The following HEATR5B variants were observed in gnomAD, a reference collection of about 807,000 sequenced individuals.
The protein encoded by HEATR5B is HEAT repeat containing 5B.
HEATR5B carries 156 observed loss-of-function variants against 224.1 expected under a neutral mutation model. That is an observed-to-expected ratio of 0.70 (90% confidence interval 0.61 to 0.80). The LOEUF (loss-of-function observed/expected upper bound fraction) is 0.80. Among genes scored for constraint, HEATR5B ranks in the 30% least tolerant of loss-of-function variants. The pLI, the probability that HEATR5B is intolerant of heterozygous loss-of-function variation, is 0.00. For missense variants in HEATR5B, 2,323 were observed against 2,535.5 expected (o/e 0.92, Z 1.80); for synonymous variants, 1,027 against 893.0 (o/e 1.15, Z -2.68).
chr2:37,020,380 A>G (rs1668393046), intron 25 of HEATR5B, among the ~76,000 whole-genome samples: 1 of 152,218 alleles, frequency 6.6e-6, no homozygotes, highest in African/African-American at 2.4e-5. Context: ...AGAGCTAAAT[A>G]TCTAAACACA....
intron 26 of HEATR5B, among the ~76,000 whole-genome samples, chr2:37,019,076 T>C (rs1374832756): frequency 1.3e-5 from 2 of 151,736 alleles, no homozygotes; most frequent in East Asian, 1.9e-4. Flanking sequence ...AAGAATTGCT[T>C]GAACCCGGGA....
intron 24 of HEATR5B, among the ~76,000 whole-genome samples, chr2:37,025,515 G>C (rs868791307): frequency 3.3e-5 from 5 of 150,506 alleles, no homozygotes; most frequent in Non-Finnish European, 7.4e-5. Flanking sequence ...AATCCTGGCT[G>C]CTATGGTATA....
At chr2:37,003,880 A>G (rs1255482242) in intron 30 of HEATR5B, among the ~76,000 whole-genome samples, 194 bp from the exon 31 acceptor site, 2 of 152,260 alleles carry the variant, frequency 1.3e-5, no homozygotes, top group African/African-American at 2.4e-5. Context: ...TGTATTTTCA[A>G]GCAACAAATG....
At chr2:37,031,121 G>A (rs1181731014) in intron 22 of HEATR5B, among the ~76,000 whole-genome samples, 1 of 152,190 alleles carries the variant, frequency 6.6e-6, no homozygotes, top group African/African-American at 2.4e-5. Context: ...TTGCTGGGTT[G>A]CGATCTCTAT....
chr2:37,003,370 A>G (rs571455723), intron 31 of HEATR5B, among the ~76,000 whole-genome samples, 172 bp downstream of exon 31: 2 of 152,016 alleles, frequency 1.3e-5, no homozygotes, highest in South Asian at 4.1e-4. Context: ...CAGGAGTTAC[A>G]GACTACACTG....
chr2:37,062,565 G>C (rs1671351525), intron 10 of HEATR5B, among the ~76,000 whole-genome samples: 1 of 152,216 alleles, frequency 6.6e-6, no homozygotes, highest in Non-Finnish European at 1.5e-5. Context: ...ACAAGCTCTA[G>C]GGCCAAATGC....
chr2:37,028,861 C>A lies in HEATR5B; in HGVS notation c.3421G>T (p.Gly1141Cys), dbSNP rs765142939. The A allele has an allele frequency of 1.2e-6, 2 of 1,613,988 alleles. No individual in the cohort carries two copies. The highest frequency in any genetic ancestry group is 1.7e-6 in the Non-Finnish European group (2 of 1,179,880). Residue 1141 changes from glycine to cysteine, a missense_variant, in exon 23 of 36, where the codon GGT becomes TGT. Physicochemically the swap from Gly to Cys is radical, Grantham distance 159 (BLOSUM62 -3). Coordinates refer to ENST00000233099, the MANE Select transcript of HEATR5B (RefSeq NM_019024.3). ...AGACCAGTTTCTGTTATATTAACAC[C>A]TTGGTGCCGGCAATGGATATCAGTT... ...SRTDIHCRHQ[G>C]VNITETGLEG...
intron 33 of HEATR5B, among the ~76,000 whole-genome samples, chr2:36,992,520 G>A (rs1284400117): frequency 3.3e-5 from 5 of 151,836 alleles, no homozygotes; most frequent in Admixed American, 2.6e-4. Flanking sequence ...GGTTAAGGTG[G>A]CAGTGAGCTG....
intron 33 of HEATR5B, among the ~76,000 whole-genome samples, chr2:36,996,413 T>G (rs1666714740): frequency 6.6e-6 from 1 of 151,530 alleles, no homozygotes; most frequent in Admixed American, 6.6e-5. Context: ...GATACAGATG[T>G]GTGTTCTTTT....
chr2:37,003,949 G>T (rs62133081), intron 30 of HEATR5B, among the ~76,000 whole-genome samples: 27,238 of 152,086 alleles, frequency 0.18, 3,162 homozygotes, highest in East Asian at 0.52. Flanking sequence ...TCTCCTATTG[G>T]AAGGAAATAA....
chr2:37,028,041 C>T lies in HEATR5B; in HGVS notation c.3735G>A (p.Trp1245Ter). The T allele has an allele frequency of 6.2e-7, 1 of 1,614,128 alleles. No homozygotes were observed. ...AATCGGCAGCAAATACTCGAGTGGC[C>T]CAGCGAGGGGCCACAAAGGGCTTTG... ...DKSKPFVAPR[W>*]ATRVFAADCL... Residue 1245 changes from tryptophan to a stop codon, truncating the protein, a stop_gained, in exon 24 of 36, where the codon TGG becomes TGA. Transcript: ENST00000233099. LOFTEE classifies it high-confidence loss of function.
Position 37,065,845 on chromosome 2 carries a change from G to C in HEATR5B, c.1243C>G (p.His415Asp). 6.2e-7 allele frequency: 1 copy of C among 1,613,854 alleles called. No individual in the cohort carries two copies. Among genetic ancestry groups the C allele is most frequent in the Non-Finnish European group, 8.5e-7 (1 of 1,179,804 alleles). Residue 415 changes from histidine to aspartate, a missense_variant, in exon 9 of 36, where the codon CAT (histidine) becomes GAT (aspartate). Physicochemically the swap from His to Asp is moderately conservative, Grantham distance 81. Transcript: ENST00000233099. The part of the protein sequence containing the change: ...SGAADIAASQ[H>D]VMVCALQELG... ...TCCTGGAGGGCACAGACCATCACAT[G>C]CTGGCTTGCTGCAATGTCTGCTGCG...
At chr2:37,006,122 T>C (rs17038861) in intron 29 of HEATR5B, among the ~76,000 whole-genome samples, 1 of 151,918 alleles carries the variant, frequency 6.6e-6, no homozygotes, top group African/African-American at 2.4e-5. Flanking sequence ...TAATTTTTCA[T>C]GCATACAAAG....
chr2:37,037,145 G>GAGATAGATATATATATATATAT, intron 21 of HEATR5B, among the ~76,000 whole-genome samples: 10 of 89,194 alleles, frequency 1.1e-4, no homozygotes, highest in African/African-American at 3.8e-4. Context: ...CTAAAAATGT[G>GAGATAGATATATATATATATAT]ATATATATAT....
chr2:37,033,184 G>C (rs540559593), intron 21 of HEATR5B, among the ~76,000 whole-genome samples: 1 of 152,036 alleles, frequency 6.6e-6, no homozygotes, highest in African/African-American at 2.4e-5. Flanking sequence ...CCGCCCTAAT[G>C]AATATATATT....
At chr2:37,039,749 C>T (rs10207971) in intron 20 of HEATR5B, among the ~76,000 whole-genome samples, 82,572 of 151,986 alleles carry the variant, frequency 0.54, 22,607 homozygotes, top group South Asian at 0.64. Flanking sequence ...ACTTGGGAGT[C>T]TAACCATTAG....
At chr2:37,014,341 T>C (rs1489902032) in intron 26 of HEATR5B, among the ~76,000 whole-genome samples, 2 of 151,844 alleles carry the variant, frequency 1.3e-5, no homozygotes, top group Non-Finnish European at 2.9e-5. Context: ...TTTTTGTATT[T>C]TTAGTAGAGA....
At chr2:37,077,799 G>T (rs1476279254) in intron 3 of HEATR5B, among the ~76,000 whole-genome samples, 2 of 152,154 alleles carry the variant, frequency 1.3e-5, no homozygotes, top group Non-Finnish European at 2.9e-5. Flanking sequence ...TCCAGAAACG[G>T]AATATAGCTC....
At chr2:36,994,815 G>A (rs922954708) in intron 33 of HEATR5B, among the ~76,000 whole-genome samples, 2 of 152,112 alleles carry the variant, frequency 1.3e-5, no homozygotes, top group South Asian at 2.1e-4. Context: ...GCAGTGGCGC[G>A]ATCTCAGCTC....
Sources: allele counts gnomAD v4.1 joint callset (sites outside exome capture counted in the v4.1 genomes callset), GRCh38; gene constraint gnomAD v4.1.1; transcripts MANE v1.5; gene names NCBI Gene and HGNC (gene_info 2026-07-23, HGNC 2026-07-21).